Variants in TFIP11 observed in about 807,000 individuals in gnomAD.
The protein encoded by TFIP11 is tuftelin-interacting protein 11.
Under a neutral mutation model 96.8 loss-of-function variants are expected in TFIP11, and 86 were observed. The ratio of observed to expected loss-of-function variants is 0.89; its 90% CI spans 0.75 to 1.06. The LOEUF is 1.06. TFIP11 is among the 50% of genes least tolerant of loss of function. The pLI is 0.00. For missense variants in TFIP11, 881 were observed against 1,076.7 expected (o/e 0.82, Z 2.54); for synonymous variants, 405 against 395.2 (o/e 1.02, Z -0.29).
At position 26,491,626 on chromosome 22, in the gene TFIP11, T is replaced by G. The variant is rs1921194479; in HGVS notation, c.*387A>C. The G allele has an allele frequency of 6.2e-7, 1 of 1,613,768 alleles. No individual in the cohort carries two copies. The highest frequency in any genetic ancestry group is 8.5e-7 in the Non-Finnish European group (1 of 1,180,050). On this transcript the variant is annotated 3_prime_UTR_variant, in exon 15 of 15. Transcript: ENST00000407690. ...CCAGATTATCAGGACTGTGAGGACC[T>G]TGAAATCATCAGGAACAAGAGAGAA...
At position 26,494,789 on chromosome 22, in the gene TFIP11, A is replaced by G; in HGVS notation, c.1992+8T>C. On this transcript the variant is annotated splice_region_variant and intron_variant, in intron 13 of 14. Coordinates refer to ENST00000407690, the MANE Select transcript of TFIP11 (RefSeq NM_012143.4). ...CTCCCCCAGAAATCCAAGCAAAACA[A>G]AGTGTACCTGAAGCCACTTGGGGAA... is the stretch of plus-strand genomic sequence containing the variant. The G allele has an allele frequency of 6.2e-7, 1 of 1,614,146 alleles. No homozygotes were observed. Among genetic ancestry groups the G allele is most frequent in the Non-Finnish European group, 8.5e-7 (1 of 1,179,998 alleles).
At chr22:26,507,543 T>C (rs1340604940) in intron 4 of TFIP11, among the ~76,000 whole-genome samples, 2 of 151,338 alleles carry the variant, frequency 1.3e-5, no homozygotes, top group Non-Finnish European at 2.9e-5. Flanking sequence ...GATGGGAGGA[T>C]TGCTTGAGCC....
chr22:26,503,876 A>G (rs894043130), intron 6 of TFIP11, 83 bp from the exon 7 acceptor site: 2 of 1,551,100 alleles, frequency 1.3e-6, no homozygotes, highest in African/African-American at 1.4e-5. Flanking sequence ...GTGAAATGAC[A>G]GTTTCTTGCT....
At position 26,496,787 on chromosome 22, in the gene TFIP11, G is replaced by A. The variant is rs762769843; in HGVS notation, c.1539C>T (p.His513=). ...PMVDFLDSWV[H]IIPVWILDNI... ...TATCTAAGATCCACACAGGAATAAT[G>A]TGCACCCAACTATCCAAAAAGTCCA... The change falls in exon 11 of 15, where the codon CAC becomes CAT. Residue 513 remains histidine (H), a synonymous_variant. Transcript: ENST00000407690. The A allele has an allele frequency of 3.7e-6, 6 of 1,614,134 alleles. No homozygotes were observed. Among genetic ancestry groups the A allele is most frequent in the South Asian group, 3.3e-5 (3 of 91,072 alleles).
chr22:26,491,615 CTG>C lies in TFIP11; in HGVS notation c.*396_*397del. Reference sequence around the variant, plus strand: ...TTCGGGAAGAACCAGATTATCAGGACTGTGAGGACCTTGAAATCATCAGGAAC... The same window carrying C: ...TTCGGGAAGAACCAGATTATCAGGACTGAGGACCTTGAAATCATCAGGAAC... On this transcript the variant is annotated 3_prime_UTR_variant, in exon 15 of 15. Coordinates refer to ENST00000407690, the MANE Select transcript of TFIP11 (RefSeq NM_012143.4). 3 of 1,614,044 alleles carry C rather than the reference CTG, an allele frequency of 1.9e-6. No homozygotes were observed. Among genetic ancestry groups the C allele is most frequent in the Non-Finnish European group, 2.5e-6 (3 of 1,180,036 alleles).
intron 14 of TFIP11, 120 bp downstream of exon 14, chr22:26,494,019 A>G (rs1921588512): frequency 1.4e-5 from 16 of 1,169,912 alleles, no homozygotes; most frequent in Admixed American, 7.1e-5. Context: ...GCTATGTGCA[A>G]AAGTGTGACC....
At position 26,502,172 on chromosome 22, in the gene TFIP11, A is replaced by G; in HGVS notation, c.649-120T>C. On this transcript the variant is annotated intron_variant, in intron 7 of 14. Transcript: ENST00000407690. ...TGTCTTAGATTTATTTACAAGCTCT[A>G]TATGAAGGAAGGAAAGGATGCACCT... The G allele has an allele frequency of 3.1e-6, 4 of 1,277,050 alleles. No homozygotes were observed. The East Asian group carries it at 7.0e-5, about 22-fold the overall frequency. 79.1% of individuals were successfully genotyped at this position (1,277,050 alleles called of 1,614,324 possible). A position where few individuals can be genotyped will look rare whatever the true frequency, so the allele number is the denominator to read the frequency against.
chr22:26,496,389 G>A, intron 11 of TFIP11, 73 bp from the exon 12 acceptor site: 1 of 1,516,178 alleles, frequency 6.6e-7, no homozygotes, highest in Non-Finnish European at 8.8e-7. Flanking sequence ...GTGGCTAAAG[G>A]CAAGAGCTGC....
Position 26,496,698 on chromosome 22 carries a change from G to A in TFIP11, c.1605+23C>T, listed in dbSNP as rs554656547. ...GTCCCTGTGATTAGTGATGACGACTGTTTCCCATGACTCTCATCCCACCTC... is the reference window on the plus strand; with the variant it reads ...GTCCCTGTGATTAGTGATGACGACTATTTCCCATGACTCTCATCCCACCTC... On this transcript the variant is annotated intron_variant, in intron 11 of 14. Coordinates refer to ENST00000407690, the MANE Select transcript of TFIP11 (RefSeq NM_012143.4). The A allele has an allele frequency of 5.7e-5, 92 of 1,610,762 alleles. 1 individual carries two copies. Among genetic ancestry groups the A allele is most frequent in the Non-Finnish European group, 7.6e-5 (90 of 1,177,174 alleles).
At chr22:26,497,415 A>C in intron 10 of TFIP11, among the ~76,000 whole-genome samples, 1 of 152,216 alleles carries the variant, frequency 6.6e-6, no homozygotes, top group East Asian at 1.9e-4. Context: ...TAAGCCCAGC[A>C]CCTAGCACAA....
intron 10 of TFIP11, 29 bp from the exon 11 acceptor site, chr22:26,496,918 G>A (rs768064937): frequency 6.2e-7 from 1 of 1,611,358 alleles, no homozygotes; most frequent in Non-Finnish European, 8.5e-7. Context: ...GGACAGGCTG[G>A]TTAATTACAC....
intron 6 of TFIP11, among the ~76,000 whole-genome samples, chr22:26,505,264 G>T (rs4822730): frequency 6.6e-6 from 1 of 151,844 alleles, no homozygotes. Context: ...AGTGTGACAG[G>T]GGCTGTGTCT....
Position 26,506,286 on chromosome 22 carries a change from C to T in TFIP11, c.520+17G>A, listed in dbSNP as rs755920621. 1.3e-5 allele frequency: 20 copies of T among 1,579,424 alleles called. No homozygotes were observed. In the East Asian group the frequency reaches 1.6e-4, roughly 12 times the overall value. ...GCCTGCCCTCCTCCATCATGCAAGA[C>T]GACAAAGGTGCAATACCTTGTGCAT... On this transcript the variant is annotated intron_variant, in intron 6 of 14. Coordinates refer to ENST00000407690, the MANE Select transcript of TFIP11 (RefSeq NM_012143.4).
At chr22:26,505,079 A>G (rs921419219) in intron 6 of TFIP11, among the ~76,000 whole-genome samples, 3 of 152,228 alleles carry the variant, frequency 2.0e-5, no homozygotes, top group African/African-American at 7.2e-5. Context: ...TTCTGTCTCA[A>G]AAAATAATAA....
chr22:26,503,820 A>G, intron 6 of TFIP11, 27 bp from the exon 7 acceptor site: 1 of 1,609,286 alleles, frequency 6.2e-7, no homozygotes, highest in South Asian at 1.1e-5. Flanking sequence ...AAAAAAAAAG[A>G]GAGTCTTACG....
intron 12 of TFIP11, among the ~76,000 whole-genome samples, chr22:26,495,350 TCACTGC>T (rs1921813906): frequency 7.4e-6 from 1 of 134,912 alleles, no homozygotes; most frequent in Non-Finnish European, 1.5e-5. Flanking sequence ...AGATCTTGGC[TCACTGC>T]AACCTCTGCC....
intron 13 of TFIP11, 167 bp downstream of exon 13, chr22:26,494,630 A>G (rs1043073539): frequency 2.0e-6 from 2 of 989,286 alleles, no homozygotes; most frequent in Non-Finnish European, 2.9e-6. Context: ...ATACATGGCA[A>G]ATGTCCAATA....
rs751239002 is a variant in TFIP11 at position 26,499,277 on chromosome 22, G to A, written c.1156C>T (p.Arg386Trp). The A allele has an allele frequency of 8.1e-6, 13 of 1,613,630 alleles. No homozygotes were observed. The highest frequency in any genetic ancestry group is 2.2e-5 in the South Asian group (2 of 91,032). Reference protein sequence around the residue: ...VLEMVEECERRMQPDCSNPLT... With the variant: ...VLEMVEECERWMQPDCSNPLT... ...GGGTTGCTGCAGTCGGGCTGCATCCGCCGCTCGCACTCCTCCACCATCTCC... is the reference window on the plus strand; with the variant it reads ...GGGTTGCTGCAGTCGGGCTGCATCCACCGCTCGCACTCCTCCACCATCTCC... The change falls in exon 9 of 15, where the codon CGG becomes TGG. Residue 386 changes from arginine to tryptophan, a missense_variant. Transcript: ENST00000407690.
chr22:26,501,376 A>T (rs1188692764), intron 8 of TFIP11, among the ~76,000 whole-genome samples: 1 of 152,122 alleles, frequency 6.6e-6, no homozygotes, highest in Non-Finnish European at 1.5e-5. Flanking sequence ...TGGTGATTGC[A>T]CATGTACATG....
Sources: gnomAD v4.1 joint callset for allele counts (sites outside exome capture counted in the v4.1 genomes callset) on GRCh38, gnomAD v4.1.1 for gene constraint, MANE v1.5 for transcripts, NCBI Gene and HGNC (gene_info 2026-07-23, HGNC 2026-07-21) for gene names.